Variants in NADSYN1 observed in about 807,000 individuals in gnomAD.
NADSYN1 encodes the protein glutamine-dependent NAD(+) synthetase.
In NADSYN1, 80 loss-of-function variants were observed where a neutral mutation model predicts 99.3. The observed-to-expected ratio is 0.81, with a 90% CI of 0.67 to 0.97. NADSYN1 has a LOEUF of 0.97. Among genes scored for constraint, NADSYN1 ranks in the 50% least tolerant of loss-of-function variants. The probability of loss-of-function intolerance (pLI) is 0.00; values close to 1 mark genes in which losing one functional copy is unlikely to be tolerated. For missense variants in NADSYN1, 859 were observed against 948.5 expected (o/e 0.91, Z 1.24); for synonymous variants, 385 against 372.1 (o/e 1.03, Z -0.40).
chr11:71,474,919 A>C (rs1565600915), intron 9 of NADSYN1: 1 of 307,050 alleles, frequency 3.3e-6, no homozygotes, highest in Non-Finnish European at 6.5e-6. Context: ...GCAGCTTACG[A>C]GTCCTGCGTT....
At chr11:71,492,197 G>A (rs1949784957) in intron 18 of NADSYN1, among the ~76,000 whole-genome samples, 2 of 152,316 alleles carry the variant, frequency 1.3e-5, no homozygotes, top group South Asian at 4.1e-4. Flanking sequence ...ATCTCTGCTC[G>A]TGTTTTAGAG....
chr11:71,468,513 G>A (rs1949607928), intron 5 of NADSYN1, among the ~76,000 whole-genome samples: 1 of 152,072 alleles, frequency 6.6e-6, no homozygotes, highest in Admixed American at 6.6e-5. Flanking sequence ...ACATATGATT[G>A]TCAAAATAGC....
At position 71,483,565 on chromosome 11, in the gene NADSYN1, G is replaced by A. The variant is rs1476399121; in HGVS notation, c.1319+548G>A. Among the ~76,000 whole-genome samples the A allele has an allele frequency of 3.3e-5, 5 of 152,322 alleles. No homozygotes were observed. In the East Asian group the frequency reaches 5.8e-4, roughly 18 times the overall value. ...GGAGGGCACCTTTCCGGAGAAGAAA[G>A]ACTGGGTTCTATCTAGAATATTCCA... On this transcript the variant is annotated intron_variant, in intron 14 of 20. Coordinates refer to ENST00000319023, the MANE Select transcript of NADSYN1 (RefSeq NM_018161.5).
rs527723737 is a variant in NADSYN1, at chr11:71,492,793, G to C, written c.1764+890G>C. On this transcript the variant is annotated intron_variant, in intron 18 of 20. Transcript: ENST00000319023. ...ACTGCATGACACTATAGATCAGTTT[G>C]GAGTTCGGGGAGTTTCGCCATCTTA... Among the ~76,000 whole-genome samples the C allele has an allele frequency of 2.9e-4, 44 of 152,150 alleles. 1 individual carries two copies. The highest frequency in any genetic ancestry group is 1.0e-3 in the African/African-American group (43 of 41,502).
intron 6 of NADSYN1, among the ~76,000 whole-genome samples, 162 bp from the exon 7 acceptor site, chr11:71,473,116 T>C (rs1004996347): frequency 5.3e-5 from 8 of 152,206 alleles, no homozygotes; most frequent in African/African-American, 1.4e-4. Context: ...CACCACCCGG[T>C]GTCCCATGCG....
chr11:71,471,153 G>A (rs1281407361), intron 5 of NADSYN1, among the ~76,000 whole-genome samples: 1 of 152,120 alleles, frequency 6.6e-6, no homozygotes, highest in Non-Finnish European at 1.5e-5. Context: ...TGAACGCCTC[G>A]GTGTCAGGTG....
chr11:71,497,736 A>G, intron 19 of NADSYN1, 125 bp downstream of exon 19: 1 of 1,226,094 alleles, frequency 8.2e-7, no homozygotes, highest in Non-Finnish European at 1.1e-6. Flanking sequence ...ACTGTATCTC[A>G]CACAGTAACA....
At position 71,482,895 on chromosome 11, in the gene NADSYN1, C is replaced by G. The variant is rs1347275450; in HGVS notation, c.1197C>G (p.Ser399Arg). The change falls in exon 14 of 21, where the codon AGC becomes AGG. Residue 399 changes from serine to arginine, a missense_variant. Transcript: ENST00000319023. ...TCCGCACCATCGTGAACCAGATCAG[C>G]TACACCCCCCAGGATCCCCGAGACC... ...ADVRTIVNQI[S>R]YTPQDPRDLC... 1 of 1,613,170 alleles carries G rather than the reference C, an allele frequency of 6.2e-7. No individual in the cohort carries two copies. The highest frequency in any genetic ancestry group is 1.7e-5 in the Admixed American group (1 of 59,982).
At position 71,497,661 on chromosome 11, in the gene NADSYN1, C is replaced by T. The variant is rs187201810; in HGVS notation, c.1893+50C>T. ...GAGGGAGGCCAGTTAGGTAATGTCCCCTTTGCAGAGGCCGGTTTGACCTGT... is the reference window on the plus strand; with the variant it reads ...GAGGGAGGCCAGTTAGGTAATGTCCTCTTTGCAGAGGCCGGTTTGACCTGT... On this transcript the variant is annotated intron_variant, in intron 19 of 20. Coordinates refer to ENST00000319023, the MANE Select transcript of NADSYN1 (RefSeq NM_018161.5). 1,025 of 1,611,644 alleles carry T rather than the reference C, an allele frequency of 6.4e-4. 1 individual carries two copies. The highest frequency in any genetic ancestry group is 8.3e-4 in the Non-Finnish European group (982 of 1,179,232).
At chr11:71,480,456 G>A (rs1486224748) in intron 10 of NADSYN1, among the ~76,000 whole-genome samples, 5 of 152,178 alleles carry the variant, frequency 3.3e-5, no homozygotes, top group Non-Finnish European at 1.5e-5. Context: ...TTACAGGTGT[G>A]AGCCACCGTG....
intron 12 of NADSYN1, 61 bp from the exon 13 acceptor site, chr11:71,481,862 G>T: frequency 1.3e-6 from 2 of 1,482,922 alleles, no homozygotes; most frequent in South Asian, 2.4e-5. Context: ...GAGCTTGGCT[G>T]ATCCATGGGC....
At chr11:71,477,955 G>A (rs181418135) in intron 9 of NADSYN1, among the ~76,000 whole-genome samples, 14 of 152,350 alleles carry the variant, frequency 9.2e-5, no homozygotes, top group Admixed American at 9.1e-4. Flanking sequence ...GGCTCCTTGC[G>A]TGTCTTTTTG....
chr11:71,481,245 G>A (rs1949705239), intron 11 of NADSYN1, 111 bp from the exon 12 acceptor site: 2 of 1,091,852 alleles, frequency 1.8e-6, no homozygotes, highest in East Asian at 2.4e-5. Flanking sequence ...CGTCCTGAGA[G>A]CCCAGCGTTG....
At position 71,458,489 on chromosome 11, in the gene NADSYN1, C is replaced by T. The variant is rs1362964215; in HGVS notation, c.208C>T (p.Leu70=). 7 of 1,613,902 alleles carry T rather than the reference C, an allele frequency of 4.3e-6. No individual in the cohort carries two copies. Among genetic ancestry groups the T allele is most frequent in the Non-Finnish European group, 5.9e-6 (7 of 1,179,908 alleles). ...SDTLLHSFQV[L]AALVESPVTQ... Reference sequence around the variant, plus strand: ...CACCCTCTTGCACTCGTTTCAAGTCCTAGCGGCCCTTGTGGAGTCTCCCGT... The same window carrying T: ...CACCCTCTTGCACTCGTTTCAAGTCTTAGCGGCCCTTGTGGAGTCTCCCGT... Residue 70 remains leucine, a synonymous_variant, in exon 3 of 21, where the codon CTA becomes TTA. Coordinates refer to ENST00000319023, the MANE Select transcript of NADSYN1 (RefSeq NM_018161.5).
intron 13 of NADSYN1, among the ~76,000 whole-genome samples, chr11:71,482,286 G>GCC (rs1949713427): frequency 6.6e-6 from 1 of 152,210 alleles, no homozygotes; most frequent in Non-Finnish European, 1.5e-5. Flanking sequence ...GCACGGTGTG[G>GCC]CCTGGTGGGG....
chr11:71,484,085 G>A (rs1565604218), intron 14 of NADSYN1, among the ~76,000 whole-genome samples: 1 of 152,244 alleles, frequency 6.6e-6, no homozygotes, highest in Non-Finnish European at 1.5e-5. Context: ...AGGAGGGAGT[G>A]GGGACAGACT....
intron 18 of NADSYN1, among the ~76,000 whole-genome samples, chr11:71,492,232 G>A (rs1165647278): frequency 1.3e-5 from 2 of 152,126 alleles, no homozygotes; most frequent in Non-Finnish European, 2.9e-5. Context: ...AATTGCCCTC[G>A]ACTCCTCCAC....
At chr11:71,490,221 C>T (rs752584695) in intron 16 of NADSYN1, among the ~76,000 whole-genome samples, 2 of 152,304 alleles carry the variant, frequency 1.3e-5, no homozygotes, top group South Asian at 2.1e-4. Flanking sequence ...CCAGCGGCCT[C>T]GCGTCTCTGC....
At chr11:71,473,993 C>T (rs994726774) in intron 8 of NADSYN1, among the ~76,000 whole-genome samples, 74 of 152,246 alleles carry the variant, frequency 4.9e-4, no homozygotes, top group Admixed American at 1.3e-3. Flanking sequence ...GTTTGCTGCT[C>T]CTGCTGTTGG....
Sources: gnomAD v4.1 joint callset for allele counts (sites outside exome capture counted in the v4.1 genomes callset) on GRCh38, gnomAD v4.1.1 for gene constraint, MANE v1.5 for transcripts, NCBI Gene and HGNC (gene_info 2026-07-23, HGNC 2026-07-21) for gene names.